PDE1A: variants seen among roughly 807,000 people sequenced by gnomAD.
PDE1A encodes dual specificity calcium/calmodulin-dependent 3',5'-cyclic nucleotide phosphodiesterase 1A.
PDE1A carries 35 observed loss-of-function variants against 61.7 expected under a neutral mutation model. That is an observed-to-expected ratio of 0.57 (90% CI 0.43 to 0.75). PDE1A has a LOEUF of 0.75. Ranked by LOEUF, PDE1A falls within the 30% of genes least tolerant of loss-of-function variation. PDE1A has a pLI of 0.00. For synonymous variants in PDE1A, 232 were observed against 213.2 expected, an observed-to-expected ratio of 1.09 and a Z score of -0.77; for missense variants, 597 against 630.6, an observed-to-expected ratio of 0.95 and a Z score of 0.57.
At chr2:182,574,286 A>G in the PDE1A span, among the ~76,000 whole-genome samples, 4 of 152,238 alleles carry the variant, frequency 2.6e-5, no homozygotes, top group African/African-American at 7.2e-5. Context: ...TCAAATGTCA[A>G]TCTCCTTTGG....
chr2:182,397,670 T>C (rs1229883148), intron 1 of PDE1A, among the ~76,000 whole-genome samples: 1 of 152,152 alleles, frequency 6.6e-6, no homozygotes, highest in East Asian at 1.9e-4. Context: ...GTTTTTTTCC[T>C]ATTACGCTAT....
chr2:182,297,525 C>T (rs553377804), intron 1 of PDE1A, among the ~76,000 whole-genome samples: 1 of 152,178 alleles, frequency 6.6e-6, no homozygotes, highest in African/African-American at 2.4e-5. Context: ...GTGAAAGTAA[C>T]AGTCTAACGT....
downstream of PDE1A, chr2:182,142,715 C>A (rs1055471541): frequency 2.0e-5 from 3 of 152,154 alleles, no homozygotes; most frequent in African/African-American, 7.2e-5. Context: ...TCATCTTCTG[C>A]ACATGTATTG....
intron 1 of PDE1A, among the ~76,000 whole-genome samples, chr2:182,393,451 C>G (rs987812807): frequency 4.6e-5 from 7 of 152,086 alleles, no homozygotes; most frequent in African/African-American, 1.7e-4. Context: ...CTCTGACATG[C>G]CTGGAAACAT....
intron 7 of PDE1A, among the ~76,000 whole-genome samples, chr2:182,221,348 G>A (rs1224234710): frequency 3.3e-5 from 5 of 152,058 alleles, no homozygotes; most frequent in African/African-American, 1.2e-4. Flanking sequence ...TTCCTGTACA[G>A]AGCCCAGCTC....
chr2:182,291,436 G>T (rs1051899143), intron 1 of PDE1A, among the ~76,000 whole-genome samples: 4 of 152,124 alleles, frequency 2.6e-5, no homozygotes, highest in African/African-American at 9.7e-5. Context: ...AGTATTGCAC[G>T]TAGTGCATAT....
chr2:182,504,476 T>C (rs1459087038), intron 2 of PDE1A, among the ~76,000 whole-genome samples: 2 of 152,202 alleles, frequency 1.3e-5, no homozygotes, highest in African/African-American at 2.4e-5. Context: ...AAAGATAAAA[T>C]TTACAGTAAG....
chr2:182,498,938 A>C (rs934401518), intron 2 of PDE1A, among the ~76,000 whole-genome samples: 1 of 151,688 alleles, frequency 6.6e-6, no homozygotes, highest in East Asian at 2.0e-4. Context: ...GCGAGACTCC[A>C]TCTCAAAATA....
chr2:182,367,198 T>A (rs1699882482), intron 1 of PDE1A, among the ~76,000 whole-genome samples: 2 of 152,090 alleles, frequency 1.3e-5, no homozygotes, highest in South Asian at 2.1e-4. Flanking sequence ...AAGATTTTTT[T>A]AAAATGACAG....
chr2:182,248,995 A>G (rs926650386), intron 2 of PDE1A, among the ~76,000 whole-genome samples: 16 of 152,220 alleles, frequency 1.1e-4, no homozygotes, highest in Non-Finnish European at 1.9e-4. Context: ...CTAAACTGCT[A>G]TATGTTCTAT....
At chr2:182,175,143 A>G (rs897739258) in intron 13 of PDE1A, among the ~76,000 whole-genome samples, 3 of 152,134 alleles carry the variant, frequency 2.0e-5, no homozygotes, top group African/African-American at 7.2e-5. Context: ...CCAGTCTATC[A>G]TTGATGAGCA....
chr2:182,692,686 T>A, the PDE1A span, among the ~76,000 whole-genome samples: 65 of 147,810 alleles, frequency 4.4e-4, no homozygotes, highest in African/African-American at 1.5e-3. Flanking sequence ...TATATATATA[T>A]AAAATATATA....
At chr2:182,154,165 A>AAAC (rs752564339) in intron 13 of PDE1A, among the ~76,000 whole-genome samples, 1 of 152,170 alleles carries the variant, frequency 6.6e-6, no homozygotes, top group Middle Eastern at 3.2e-3. Flanking sequence ...GAAAACAAAC[A>AAAC]AACAACAACA....
chr2:182,573,685 A>G, the PDE1A span, among the ~76,000 whole-genome samples: 1 of 151,838 alleles, frequency 6.6e-6, no homozygotes, highest in South Asian at 2.1e-4. Flanking sequence ...GTAACTATGT[A>G]TAATTTTGTT....
intron 1 of PDE1A, among the ~76,000 whole-genome samples, chr2:182,273,793 C>T (rs1008831476): frequency 6.6e-6 from 1 of 151,986 alleles, no homozygotes; most frequent in Non-Finnish European, 1.5e-5. Flanking sequence ...TCCTGAAGCA[C>T]TAAGGTGGTG....
At chr2:182,546,975 C>G in the PDE1A span, among the ~76,000 whole-genome samples, 23 of 152,280 alleles carry the variant, frequency 1.5e-4, no homozygotes, top group African/African-American at 4.1e-4. Context: ...GTTACTTTCA[C>G]ATTATTTTTT....
intron 1 of PDE1A, among the ~76,000 whole-genome samples, chr2:182,417,536 T>C (rs1289171626): frequency 6.6e-6 from 1 of 152,188 alleles, no homozygotes; most frequent in East Asian, 1.9e-4. Flanking sequence ...CTGTTCTATA[T>C]CCTAAAAAAG....
intron 2 of PDE1A, among the ~76,000 whole-genome samples, chr2:182,257,878 C>T (rs565559737): frequency 6.6e-6 from 1 of 152,198 alleles, no homozygotes; most frequent in East Asian, 1.9e-4. Flanking sequence ...TTTTTGAAAG[C>T]ATCTATCAGC....
the PDE1A span, among the ~76,000 whole-genome samples, chr2:182,552,650 C>T: frequency 6.6e-6 from 1 of 151,792 alleles, no homozygotes; most frequent in African/African-American, 2.4e-5. Flanking sequence ...CCAATCAGAG[C>T]GCTCACTAAA....
Sources: gnomAD v4.1 joint callset for allele counts (sites outside exome capture counted in the v4.1 genomes callset) on GRCh38, gnomAD v4.1.1 for gene constraint, MANE v1.5 for transcripts, NCBI Gene and HGNC (gene_info 2026-07-23, HGNC 2026-07-21) for gene names.